ASIC2: variants seen among roughly 807,000 people sequenced by gnomAD.
ASIC2 encodes the protein acid-sensing ion channel 2.
In ASIC2, 25 loss-of-function variants were observed where a neutral mutation model predicts 57.3. That is an observed-to-expected ratio of 0.44 (90% CI 0.32 to 0.61). The LOEUF is 0.61. ASIC2 is among the 20% of genes least tolerant of loss of function. ASIC2 has a pLI of 0.06. For synonymous variants in ASIC2, 319 were observed against 307.5 expected (o/e 1.04, Z -0.39); for missense variants, 641 against 738.1 (o/e 0.87, Z 1.52).
chr17:33,448,110 G>A (rs150453395), intron 1 of ASIC2, among the ~76,000 whole-genome samples: 62 of 144,880 alleles, frequency 4.3e-4, no homozygotes, highest in African/African-American at 1.4e-3. Flanking sequence ...AACTAGAATC[G>A]GGAGTTAGGT....
intron 1 of ASIC2, among the ~76,000 whole-genome samples, chr17:33,338,549 G>A (rs1907610917): frequency 6.6e-6 from 1 of 152,164 alleles, no homozygotes; most frequent in Non-Finnish European, 1.5e-5. Flanking sequence ...CAAGATGTGT[G>A]CGTGCACGAA....
chr17:33,928,180 C>T (rs1597933953), intron 1 of ASIC2, among the ~76,000 whole-genome samples: 2 of 152,198 alleles, frequency 1.3e-5, no homozygotes, highest in East Asian at 3.9e-4. Context: ...ACTACCTGCT[C>T]TGGTTCATGG....
At chr17:33,961,927 A>C (rs987444330) in intron 1 of ASIC2, among the ~76,000 whole-genome samples, 4 of 152,186 alleles carry the variant, frequency 2.6e-5, no homozygotes, top group African/African-American at 9.7e-5. Context: ...TCAGGAAGCT[A>C]CCTAACACCT....
chr17:33,727,269 C>T (rs1308135279), intron 1 of ASIC2, among the ~76,000 whole-genome samples: 2 of 152,270 alleles, frequency 1.3e-5, no homozygotes, highest in East Asian at 3.9e-4. Context: ...AATTTCTCAG[C>T]CTTGAAGATG....
At chr17:34,032,981 C>T (rs1907687290) in intron 1 of ASIC2, among the ~76,000 whole-genome samples, 1 of 152,130 alleles carries the variant, frequency 6.6e-6, no homozygotes, top group Non-Finnish European at 1.5e-5. Context: ...CAAGGATATC[C>T]AGGAATTGAA....
chr17:34,107,256 C>G (rs1320499608), intron 1 of ASIC2, among the ~76,000 whole-genome samples: 1 of 152,114 alleles, frequency 6.6e-6, no homozygotes, highest in Non-Finnish European at 1.5e-5. Flanking sequence ...AATCCCAGCA[C>G]TTTGGGAGGC....
intron 1 of ASIC2, among the ~76,000 whole-genome samples, chr17:34,149,093 C>CT (rs1431201655): frequency 6.7e-6 from 1 of 148,628 alleles, no homozygotes; most frequent in South Asian, 2.1e-4. Context: ...TTCTTTTTTT[C>CT]TTTTTTCTTT....
At chr17:33,604,176 G>C (rs1388336883) in intron 1 of ASIC2, among the ~76,000 whole-genome samples, 1 of 152,196 alleles carries the variant, frequency 6.6e-6, no homozygotes, top group East Asian at 1.9e-4. Context: ...ACAGGAAGGG[G>C]CCCCCAGGCA....
chr17:33,717,709 C>G (rs1909265419), intron 1 of ASIC2, among the ~76,000 whole-genome samples: 1 of 152,162 alleles, frequency 6.6e-6, no homozygotes, highest in Non-Finnish European at 1.5e-5. Flanking sequence ...CCCCAGTGAG[C>G]TGCCCAACAG....
intron 1 of ASIC2, among the ~76,000 whole-genome samples, chr17:33,655,973 A>G (rs1907063118): frequency 6.6e-6 from 1 of 152,072 alleles, no homozygotes; most frequent in Non-Finnish European, 1.5e-5. Flanking sequence ...GGATAGTATT[A>G]TTATATATGT....
intron 1 of ASIC2, among the ~76,000 whole-genome samples, chr17:33,458,067 T>A (rs1798627927): frequency 6.7e-6 from 1 of 149,902 alleles, no homozygotes; most frequent in African/African-American, 2.5e-5. Flanking sequence ...TCGTCATAGC[T>A]GAGGCGTCTT....
At chr17:33,442,260 T>C (rs907020345) in intron 1 of ASIC2, among the ~76,000 whole-genome samples, 1 of 152,224 alleles carries the variant, frequency 6.6e-6, no homozygotes, top group Non-Finnish European at 1.5e-5. Context: ...GGCTATCTTA[T>C]ATCCTTTAAA....
At chr17:34,012,908 G>C (rs929944332) in intron 1 of ASIC2, among the ~76,000 whole-genome samples, 3 of 152,156 alleles carry the variant, frequency 2.0e-5, no homozygotes, top group African/African-American at 7.2e-5. Context: ...CCTAGCAACA[G>C]TTGCCATGAC....
intron 1 of ASIC2, among the ~76,000 whole-genome samples, chr17:34,137,119 A>G (rs1912149013): frequency 6.6e-6 from 1 of 152,270 alleles, no homozygotes. Flanking sequence ...CACAGTATAG[A>G]TAATTCTTTC....
chr17:33,888,596 C>A (rs1363729011), intron 1 of ASIC2, among the ~76,000 whole-genome samples: 1 of 152,062 alleles, frequency 6.6e-6, no homozygotes, highest in Admixed American at 6.5e-5. Flanking sequence ...GTGATGCTGG[C>A]AGGGACCGGG....
intron 1 of ASIC2, among the ~76,000 whole-genome samples, chr17:33,725,324 T>C (rs1909512619): frequency 1.3e-5 from 2 of 152,178 alleles, no homozygotes; most frequent in South Asian, 4.1e-4. Context: ...AGAAAAGCCA[T>C]AATGACAACA....
chr17:34,109,955 T>TGAGA (rs1373721569), intron 1 of ASIC2, among the ~76,000 whole-genome samples: 1 of 151,820 alleles, frequency 6.6e-6, no homozygotes, highest in Admixed American at 6.6e-5. Flanking sequence ...TGTGTGTGTG[T>TGAGA]GAGAGAGAAA....
chr17:33,137,532 C>T (rs1248702784), intron 1 of ASIC2, among the ~76,000 whole-genome samples: 1 of 152,186 alleles, frequency 6.6e-6, no homozygotes, highest in Non-Finnish European at 1.5e-5. Context: ...TGGGGCTTAG[C>T]CCTGCAGGGG....
intron 1 of ASIC2, among the ~76,000 whole-genome samples, chr17:34,009,481 T>C (rs140853206): frequency 1.1e-3 from 175 of 152,368 alleles, no homozygotes; most frequent in East Asian, 0.01. Context: ...TTTTTATACA[T>C]ATTACATGTT....
Sources: gnomAD v4.1 joint callset for allele counts (sites outside exome capture counted in the v4.1 genomes callset) on GRCh38, gnomAD v4.1.1 for gene constraint, MANE v1.5 for transcripts, NCBI Gene and HGNC (gene_info 2026-07-23, HGNC 2026-07-21) for gene names.